Variants in LGMN observed in about 807,000 individuals in gnomAD.
The protein encoded by LGMN is legumain, also known as asparaginyl endopeptidase.
A neutral mutation model predicts 56.8 loss-of-function variants in LGMN; 36 were observed. That is an observed-to-expected ratio of 0.63 (90% CI 0.49 to 0.84). The LOEUF (loss-of-function observed/expected upper bound fraction) is 0.84, where lower values mean the gene tolerates loss of function less well. LGMN is among the 40% of genes least tolerant of loss of function. The pLI, the probability that LGMN is intolerant of heterozygous loss-of-function variation, is 0.00. For missense variants in LGMN, 446 were observed against 556.1 expected (o/e 0.80, Z 1.99); for synonymous variants, 199 against 210.1 (o/e 0.95, Z 0.46).
Position 92,747,395 on chromosome 14 carries a change from C to T in LGMN, c.-30+1094G>A, listed in dbSNP as rs140675076. 3.9e-3 allele frequency among the ~76,000 whole-genome samples: 593 copies of T among 152,252 alleles called. 4 individuals are homozygous for T. Among genetic ancestry groups the T allele is most frequent in the African/African-American group, 0.014 (562 of 41,562 alleles). On this transcript the variant is annotated intron_variant, in intron 1 of 13. Coordinates refer to ENST00000334869, the MANE Select transcript of LGMN (RefSeq NM_005606.7). The stretch of plus-strand genomic sequence containing the variant: ...AATCCCAGAACTCGGGAGGCTGAGA[C>T]AGAAGAATCACTTGAACCGGAAAGG...
At chr14:92,724,882 C>G (rs1217075995) in intron 2 of LGMN, among the ~76,000 whole-genome samples, 1 of 152,224 alleles carries the variant, frequency 6.6e-6, no homozygotes, top group Non-Finnish European at 1.5e-5. Flanking sequence ...AAAGGGTCCG[C>G]TCTCCAGCCA....
In LGMN at chr14:92,713,983, C is replaced by A. The variant is rs372629276; in HGVS notation, c.481-98G>T. On this transcript the variant is annotated intron_variant, in intron 6 of 13. Transcript: ENST00000334869. ...CTGATGATCCTTCATAAACTCTTTTCTACCAATCCCTAGAAGTAATCATGG... is the reference window on the plus strand; with the variant it reads ...CTGATGATCCTTCATAAACTCTTTTATACCAATCCCTAGAAGTAATCATGG... 6.6e-5 allele frequency: 58 copies of A among 883,482 alleles called. No individual in the cohort carries two copies. The African/African-American group carries it at 8.6e-4, about 13-fold the overall frequency. 54.7% of individuals were successfully genotyped at this position (883,482 alleles called of 1,614,324 possible). A position where few individuals can be genotyped will look rare whatever the true frequency, so the allele number is the denominator to read the frequency against.
chr14:92,713,411 G>A (rs1889901905), intron 7 of LGMN, among the ~76,000 whole-genome samples: 1 of 152,066 alleles, frequency 6.6e-6, no homozygotes, highest in South Asian at 2.1e-4. Flanking sequence ...TTTCCATAAA[G>A]GGTGCTATAG....
At chr14:92,741,427 T>C (rs1891551773) in intron 1 of LGMN, 1 of 152,236 alleles carries the variant, frequency 6.6e-6, no homozygotes, top group South Asian at 2.1e-4. Flanking sequence ...TGCCAGCTAC[T>C]GGCTCTGGGT....
intron 1 of LGMN, among the ~76,000 whole-genome samples, chr14:92,742,336 C>T (rs1461738608): frequency 2.4e-5 from 3 of 124,448 alleles, no homozygotes; most frequent in Admixed American, 1.1e-4. Flanking sequence ...CTCACTCTGT[C>T]GTCCAGAATG....
rs113128071 is a variant in LGMN at position 92,721,923 on chromosome 14, A to G, written c.139-3079T>C. ...TTTTAAAAATACGCAAACAAGTACA[A>G]CCCGGGTTTCAAAATAGATGACTCT... On this transcript the variant is annotated intron_variant, in intron 2 of 13. Transcript: ENST00000334869. Among the ~76,000 whole-genome samples the G allele has an allele frequency of 9.7e-3, 1,476 of 152,262 alleles. 29 individuals are homozygous for G. Among genetic ancestry groups the G allele is most frequent in the African/African-American group, 0.033 (1,376 of 41,538 alleles).
chr14:92,718,911 T>C (rs1234177176), intron 2 of LGMN, 67 bp from the exon 3 acceptor site: 3 of 1,008,954 alleles, frequency 3.0e-6, no homozygotes, highest in Non-Finnish European at 4.7e-6. Flanking sequence ...TTCTAAGGAG[T>C]GATGTGTTCT....
rs114865469 is a variant in LGMN, at chr14:92,725,507, G to A, written c.139-6663C>T. Among the ~76,000 whole-genome samples, 1,415 of 152,262 alleles carry A rather than the reference G, an allele frequency of 9.3e-3. 19 individuals are homozygous for A. The highest frequency in any genetic ancestry group is 0.03 in the African/African-American group (1,264 of 41,566). ...TGCAGTGAGCTATGATCACACCACC[G>A]AGCTCCAGCCTAAGTGACAGAATAA... On this transcript the variant is annotated intron_variant, in intron 2 of 13. Coordinates refer to ENST00000334869, the MANE Select transcript of LGMN (RefSeq NM_005606.7).
chr14:92,715,246 TCTCA>T (rs1210362245), intron 5 of LGMN, among the ~76,000 whole-genome samples: 3 of 147,050 alleles, frequency 2.0e-5, no homozygotes, highest in South Asian at 4.3e-4. Context: ...TGAGACAGAG[TCTCA>T]CTCTGTCACT....
chr14:92,709,783 G>A lies in LGMN; in HGVS notation c.909C>T (p.Asp303=). The A allele has an allele frequency of 5.0e-6, 8 of 1,614,056 alleles. No individual in the cohort carries two copies. Among genetic ancestry groups the A allele is most frequent in the Non-Finnish European group, 6.8e-6 (8 of 1,179,932 alleles). ...GAGGCACATCAGGGCTGGGGGTGAGGTCAAGGTGTGTGACTGGAGGTAGGG... is the reference window on the plus strand; with the variant it reads ...GAGGCACATCAGGGCTGGGGGTGAGATCAAGGTGTGTGACTGGAGGTAGGG... ...PVPLPPVTHL[D]LTPSPDVPLT... is the part of the protein sequence containing the mutation. Residue 303 remains aspartate, a synonymous_variant, in exon 11 of 14, where the codon GAC becomes GAT. Transcript: ENST00000334869.
intron 1 of LGMN, among the ~76,000 whole-genome samples, chr14:92,734,811 C>T (rs571110514): frequency 1.1e-3 from 162 of 152,268 alleles, no homozygotes; most frequent in African/African-American, 3.0e-3. Flanking sequence ...GGACTCAGGG[C>T]GGCAGATGTG....
intron 11 of LGMN, 26 bp downstream of exon 11, chr14:92,709,646 G>A: frequency 6.2e-7 from 1 of 1,603,116 alleles, no homozygotes; most frequent in Non-Finnish European, 8.5e-7. Context: ...CAGCACCTGG[G>A]CACAGCTCCT....
At chr14:92,727,547 T>C (rs1890801213) in intron 2 of LGMN, among the ~76,000 whole-genome samples, 1 of 151,746 alleles carries the variant, frequency 6.6e-6, no homozygotes, top group Non-Finnish European at 1.5e-5. Context: ...CTCTGGTACA[T>C]GCACTTGAAG....
intron 2 of LGMN, among the ~76,000 whole-genome samples, chr14:92,729,386 C>T (rs527501225): frequency 7.9e-4 from 117 of 148,216 alleles, no homozygotes; most frequent in Middle Eastern, 3.5e-3. Flanking sequence ...TCTGATTCCA[C>T]GACTTCCAAA....
chr14:92,744,753 G>A (rs1309021861), intron 1 of LGMN, among the ~76,000 whole-genome samples: 2 of 151,758 alleles, frequency 1.3e-5, no homozygotes, highest in East Asian at 1.9e-4. Context: ...GCACCACCAC[G>A]CCCGGCTAAT....
chr14:92,711,864 G>A lies in LGMN; in HGVS notation c.702C>T (p.Ser234=), dbSNP rs1317415705. ...CGTCCGAATCTTCCATCCAGTTGAC[G>A]CTGTACCAGTCCCCCAGGTACGTGG... ...KRSTYLGDWY[S]VNWMEDSDVE... is the part of the protein sequence containing the mutation. The change falls in exon 9 of 14, where the codon AGC becomes AGT. Residue 234 remains serine (S), a synonymous_variant. Coordinates refer to ENST00000334869, the MANE Select transcript of LGMN (RefSeq NM_005606.7). 6 of 1,613,640 alleles carry A rather than the reference G, an allele frequency of 3.7e-6. No homozygotes were observed. The highest frequency in any genetic ancestry group is 1.3e-5 in the African/African-American group (1 of 75,028).
chr14:92,724,277 T>C (rs1014641685), intron 2 of LGMN, among the ~76,000 whole-genome samples: 4 of 152,198 alleles, frequency 2.6e-5, no homozygotes, highest in African/African-American at 9.7e-5. Flanking sequence ...GGTAAATGCT[T>C]TCATCCCCAT....
intron 2 of LGMN, among the ~76,000 whole-genome samples, chr14:92,728,272 G>T (rs1047917090): frequency 1.3e-5 from 2 of 152,210 alleles, no homozygotes; most frequent in African/African-American, 4.8e-5. Flanking sequence ...CTCACAAGGA[G>T]TGCGCAGCCT....
chr14:92,715,640 T>C (rs942519834), intron 5 of LGMN: 9 of 152,602 alleles, frequency 5.9e-5, no homozygotes, highest in African/African-American at 2.2e-4. Context: ...CAACAAGACA[T>C]CTCTAGCCCA....
Sources: gnomAD v4.1 joint callset for allele counts (sites outside exome capture counted in the v4.1 genomes callset) on GRCh38, gnomAD v4.1.1 for gene constraint, MANE v1.5 for transcripts, NCBI Gene and HGNC (gene_info 2026-07-23, HGNC 2026-07-21) for gene names.